The following BNC2 variants were observed in gnomAD, a reference collection of about 807,000 sequenced individuals.
The protein encoded by BNC2 is zinc finger protein basonuclin-2.
In BNC2, 20 loss-of-function variants were observed where a neutral mutation model predicts 76.3. The observed-to-expected ratio is 0.26, with a 90% CI of 0.18 to 0.38. The LOEUF is 0.38. Ranked by LOEUF, BNC2 falls within the 10% of genes least tolerant of loss-of-function variation. The probability of loss-of-function intolerance (pLI) is 1.00; values close to 1 mark genes in which losing one functional copy is unlikely to be tolerated. For synonymous variants in BNC2, 582 were observed against 514.8 expected (o/e 1.13, Z -1.77); for missense variants, 1,382 against 1,399.8 (o/e 0.99, Z 0.20).
chr9:16,678,893 G>A (rs576356889), intron 3 of BNC2, among the ~76,000 whole-genome samples: 1 of 152,194 alleles, frequency 6.6e-6, no homozygotes, highest in East Asian at 1.9e-4. Flanking sequence ...CGAAATCAGT[G>A]TTCACTGATT....
intron 5 of BNC2, among the ~76,000 whole-genome samples, chr9:16,440,158 A>G (rs976881346): frequency 1.3e-5 from 2 of 152,242 alleles, no homozygotes; most frequent in South Asian, 2.1e-4. Context: ...AGAACAGATG[A>G]GAAATCAGGG....
chr9:16,495,991 C>A (rs1052566799), intron 5 of BNC2, among the ~76,000 whole-genome samples: 5 of 151,256 alleles, frequency 3.3e-5, no homozygotes, highest in Admixed American at 6.6e-5. Context: ...TTACTACAAT[C>A]TCCACCTCCT....
intron 1 of BNC2, among the ~76,000 whole-genome samples, chr9:16,844,289 A>G (rs1586928896): frequency 6.6e-6 from 1 of 152,164 alleles, no homozygotes; most frequent in African/African-American, 2.4e-5. Flanking sequence ...GCTTACGACT[A>G]AATACTATTA....
At chr9:16,640,398 T>C (rs1188384569) in intron 3 of BNC2, among the ~76,000 whole-genome samples, 2 of 152,184 alleles carry the variant, frequency 1.3e-5, no homozygotes, top group African/African-American at 4.8e-5. Flanking sequence ...TTTGACACTT[T>C]TACAATGTTT....
chr9:16,640,752 T>C (rs1196035617), intron 3 of BNC2, among the ~76,000 whole-genome samples: 1 of 152,142 alleles, frequency 6.6e-6, no homozygotes, highest in Non-Finnish European at 1.5e-5. Flanking sequence ...TTTGTAAACT[T>C]CAGCTTGCAG....
intron 3 of BNC2, chr9:16,699,042 G>A: frequency 2.8e-6 from 1 of 362,396 alleles, no homozygotes; most frequent in South Asian, 2.2e-5. Flanking sequence ...TAAAGCACTG[G>A]GTTTTCCAGA....
At chr9:16,792,046 G>A (rs1053539085) in intron 1 of BNC2, among the ~76,000 whole-genome samples, 3 of 148,820 alleles carry the variant, frequency 2.0e-5, no homozygotes, top group African/African-American at 7.4e-5. Flanking sequence ...AAGTTGCAAG[G>A]AGCCAAGATC....
chr9:16,596,251 G>A (rs1413577289), intron 3 of BNC2, among the ~76,000 whole-genome samples: 1 of 152,096 alleles, frequency 6.6e-6, no homozygotes, highest in African/African-American at 2.4e-5. Flanking sequence ...TGGGGCAGGG[G>A]AGATCAACCT....
At chr9:16,715,527 TTTG>T in intron 3 of BNC2, among the ~76,000 whole-genome samples, 1 of 152,348 alleles carries the variant, frequency 6.6e-6, no homozygotes, top group East Asian at 1.9e-4. Flanking sequence ...GCAGATGAGT[TTTG>T]TTTAGACCAC....
At chr9:16,426,856 C>T (rs1047820510) in intron 6 of BNC2, among the ~76,000 whole-genome samples, 1 of 152,080 alleles carries the variant, frequency 6.6e-6, no homozygotes, top group African/African-American at 2.4e-5. Context: ...TGTTATTAAC[C>T]ACTCCCAACA....
At chr9:16,703,383 A>G (rs3850445) in intron 3 of BNC2, among the ~76,000 whole-genome samples, 91,391 of 151,938 alleles carry the variant, frequency 0.6, 31,251 homozygotes, top group Non-Finnish European at 0.79. Flanking sequence ...CGGAAAAATC[A>G]CATTTTAAAA....
chr9:16,507,836 C>T (rs1489802884), intron 5 of BNC2, among the ~76,000 whole-genome samples: 1 of 152,140 alleles, frequency 6.6e-6, no homozygotes. Context: ...CTAGTACAAA[C>T]CCAAATATAA....
chr9:16,576,926 CG>C (rs1478763645), intron 4 of BNC2, among the ~76,000 whole-genome samples: 26 of 152,020 alleles, frequency 1.7e-4, no homozygotes, highest in Non-Finnish European at 3.8e-4. Flanking sequence ...TTAGTAGAGA[CG>C]GGGTTTCACC....
rs550038781 is a variant in BNC2 at position 16,775,019 on chromosome 9, C to T, written c.4-36534G>A. 2.0e-5 allele frequency among the ~76,000 whole-genome samples: 3 copies of T among 152,228 alleles called. No homozygotes were observed. In the South Asian group the frequency reaches 6.2e-4, roughly 32 times the overall value. ...GTAATTACAAGGAATACAGATAATG[C>T]AAACATTATTTCTAGGTTCCTTTAG... is the stretch of plus-strand genomic sequence containing the variant. On this transcript the variant is annotated intron_variant, in intron 1 of 6. Transcript: ENST00000380672.
chr9:16,695,245 G>A (rs906635928), intron 3 of BNC2, among the ~76,000 whole-genome samples: 4 of 152,066 alleles, frequency 2.6e-5, no homozygotes, highest in Non-Finnish European at 4.4e-5. Context: ...AGCTACTTAC[G>A]TAATTGACTT....
intron 5 of BNC2, among the ~76,000 whole-genome samples, chr9:16,438,075 G>C (rs1821055756): frequency 6.6e-6 from 1 of 151,828 alleles, no homozygotes; most frequent in Admixed American, 6.6e-5. Context: ...GAATAAAGTA[G>C]CACTACCCCT....
intron 3 of BNC2, among the ~76,000 whole-genome samples, chr9:16,594,856 C>T (rs893045030): frequency 6.6e-6 from 1 of 152,180 alleles, no homozygotes; most frequent in Non-Finnish European, 1.5e-5. Context: ...CCCTTGTTCC[C>T]CTCCTCCTCA....
chr9:16,660,250 T>C (rs1392619770), intron 3 of BNC2, among the ~76,000 whole-genome samples: 1 of 152,132 alleles, frequency 6.6e-6, no homozygotes, highest in Non-Finnish European at 1.5e-5. Flanking sequence ...AGGTTGGCAG[T>C]TCAAGACCAG....
At chr9:16,812,769 C>T (rs7852779) in intron 1 of BNC2, among the ~76,000 whole-genome samples, 125,968 of 152,178 alleles carry the variant, frequency 0.83, 52,301 homozygotes, top group Middle Eastern at 0.95. Flanking sequence ...TTAGCTATAA[C>T]TTCTGAAAAA....
Sources: gnomAD v4.1 joint callset for allele counts (sites outside exome capture counted in the v4.1 genomes callset) on GRCh38, gnomAD v4.1.1 for gene constraint, MANE v1.5 for transcripts, NCBI Gene and HGNC (gene_info 2026-07-23, HGNC 2026-07-21) for gene names.